The following NPR1 variants were observed in gnomAD, a reference collection of about 807,000 sequenced individuals.
The protein encoded by NPR1 is atrial natriuretic peptide receptor 1.
NPR1 carries 57 observed loss-of-function variants against 116.9 expected under a neutral mutation model. The observed-to-expected ratio is 0.49, with a 90% confidence interval of 0.39 to 0.61. NPR1 has a LOEUF of 0.61. NPR1 is among the 20% of genes least tolerant of loss of function. NPR1 has a pLI of 0.00. For synonymous variants in NPR1, 555 were observed against 601.6 expected, an observed-to-expected ratio of 0.92 and a Z score of 1.13; for missense variants, 1,096 against 1,409.8, an observed-to-expected ratio of 0.78 and a Z score of 3.56.
In NPR1 at chr1:153,678,788, A is replaced by T; in HGVS notation, c.-321A>T. On this transcript the variant is annotated 5_prime_UTR_variant, in exon 1 of 22. Coordinates refer to ENST00000368680, the MANE Select transcript of NPR1 (RefSeq NM_000906.4). The surrounding 1 kb of genome is among the most constrained non-coding windows in gnomAD (Gnocchi z 5.8). ...CCTTCTTCACGAAGCGCTCACTCGC[A>T]CCCTTTCTCTCTCTCTCTCTCTCTC... The T allele has an allele frequency of 1.2e-5, 4 of 342,676 alleles. No homozygotes were observed. Among genetic ancestry groups the T allele is most frequent in the African/African-American group, 2.3e-5 (1 of 43,142 alleles). 21.2% of individuals were successfully genotyped at this position (342,676 alleles called of 1,614,324 possible). A position where few individuals can be genotyped will look rare whatever the true frequency, so the allele number is the denominator to read the frequency against.
Position 153,679,962 on chromosome 1 carries a change from G to A in NPR1, c.721+133G>A. On this transcript the variant is annotated intron_variant, in intron 1 of 21. Coordinates refer to ENST00000368680, the MANE Select transcript of NPR1 (RefSeq NM_000906.4). The surrounding 1 kb of genome is among the most constrained non-coding windows in gnomAD (Gnocchi z 4.2). Reference sequence around the variant, plus strand: ...CTCGCCGTTCTTCATTCTACTTTCAGCTCCCTGGCCCTTTCTACAGCTGAG... The same window carrying A: ...CTCGCCGTTCTTCATTCTACTTTCAACTCCCTGGCCCTTTCTACAGCTGAG... 8.0e-7 allele frequency: 1 copy of A among 1,246,400 alleles called. No homozygotes were observed. Among genetic ancestry groups the A allele is most frequent in the Non-Finnish European group, 1.1e-6 (1 of 917,558 alleles). 77.2% of individuals were successfully genotyped at this position (1,246,400 alleles called of 1,614,324 possible). A position where few individuals can be genotyped will look rare whatever the true frequency, so the allele number is the denominator to read the frequency against.
In NPR1 at chr1:153,689,157, C is replaced by A; in HGVS notation, c.2565-31C>A. The A allele has an allele frequency of 6.2e-7, 1 of 1,614,186 alleles. No homozygotes were observed. The highest frequency in any genetic ancestry group is 1.1e-5 in the South Asian group (1 of 91,088). On this transcript the variant is annotated intron_variant, in intron 16 of 21. Transcript: ENST00000368680. This position sits in a 1 kb window ranked among gnomAD's most constrained non-coding sequence, Gnocchi z 5.1. Reference sequence around the variant, plus strand: ...ACAAAGCCCCTGTCCCGACCCCCAACTCTGATCCTGCACCTGCCCTGACCC... The same window carrying A: ...ACAAAGCCCCTGTCCCGACCCCCAAATCTGATCCTGCACCTGCCCTGACCC...
Position 153,689,662 on chromosome 1 carries a change from G to T in NPR1, c.2757+141G>T. On this transcript the variant is annotated intron_variant, in intron 18 of 21. Coordinates refer to ENST00000368680, the MANE Select transcript of NPR1 (RefSeq NM_000906.4). This position sits in a 1 kb window ranked among gnomAD's most constrained non-coding sequence, Gnocchi z 5.1. ...GAGACAGTGACACAGGGAGACCCGG[G>T]AACAGGCAGAGAACCCATGTGGGAT... is the stretch of plus-strand genomic sequence containing the variant. 1 of 1,207,664 alleles carries T rather than the reference G, an allele frequency of 8.3e-7. No homozygotes were observed. Among genetic ancestry groups the T allele is most frequent in the Non-Finnish European group, 1.2e-6 (1 of 850,086 alleles). 74.8% of individuals were successfully genotyped at this position (1,207,664 alleles called of 1,614,324 possible). A position where few individuals can be genotyped will look rare whatever the true frequency, so the allele number is the denominator to read the frequency against.
rs771917526 is a variant in NPR1, at chr1:153,679,739, C to G, written c.631C>G (p.Leu211Val). Reference sequence around the variant, plus strand: ...GCTGTTCATGCGGGTCCGCGACCGCCTCAATATTACGGTGGACCACCTGGA... The same window carrying G: ...GCTGTTCATGCGGGTCCGCGACCGCGTCAATATTACGGTGGACCACCTGGA... The part of the protein sequence containing the change: ...EGLFMRVRDR[L>V]NITVDHLEFA... Residue 211 changes from leucine to valine, a missense_variant, in exon 1 of 22, where the codon CTC (leucine) becomes GTC (valine). Physicochemically the swap from Leu to Val is conservative, Grantham distance 32. Coordinates refer to ENST00000368680, the MANE Select transcript of NPR1 (RefSeq NM_000906.4). This position sits in a 1 kb window ranked among gnomAD's most constrained non-coding sequence, Gnocchi z 4.2. 1 of 1,599,072 alleles carries G rather than the reference C, an allele frequency of 6.3e-7. No individual in the cohort carries two copies.
At chr1:153,686,774 G>C (rs1267171120) in intron 11 of NPR1, 24 bp downstream of exon 11, 1 of 1,600,740 alleles carries the variant, frequency 6.2e-7, no homozygotes, top group African/African-American at 1.3e-5. Flanking sequence ...GGGGTGTCAA[G>C]AAACCTGGGT....
Position 153,683,794 on chromosome 1 carries a change from G to A in NPR1, c.1454G>A (p.Gly485Asp). 2 of 1,613,940 alleles carry A rather than the reference G, an allele frequency of 1.2e-6. No homozygotes were observed. Among genetic ancestry groups the A allele is most frequent in the Non-Finnish European group, 1.7e-6 (2 of 1,179,996 alleles). Residue 485 changes from glycine to aspartate, a missense_variant, in exon 7 of 22, where the codon GGC (glycine) becomes GAC (aspartate). By Grantham distance (94) the Gly-to-Asp change is moderately conservative. Transcript: ENST00000368680. Reference protein sequence around the residue: ...LALVGSLSLLGILIVSFFIYR... With the variant: ...LALVGSLSLLDILIVSFFIYR... The stretch of plus-strand genomic sequence containing the variant: ...TTGGTGGGCAGCCTCTCCTTGCTCG[G>A]CATTCTGATTGTCTCCTTCTTCATA...
chr1:153,688,169 C>T lies in NPR1; in HGVS notation c.2365C>T (p.Gln789Ter), dbSNP rs776384599. 2 of 1,613,956 alleles carry T rather than the reference C, an allele frequency of 1.2e-6. No individual in the cohort carries two copies. Among genetic ancestry groups the T allele is most frequent in the Admixed American group, 1.7e-5 (1 of 60,014 alleles). The change falls in exon 15 of 22, where the codon CAG becomes TAG. Residue 789 changes from glutamine to a stop codon, truncating the protein, a stop_gained. Transcript: ENST00000368680. LOFTEE classifies it high-confidence loss of function. Reference protein sequence around the residue: ...LMQRCWAEDPQERPPFQQIRL... With the variant: ...LMQRCWAEDP ...GCAGCGGTGCTGGGCTGAGGACCCACAGGAGAGGCCACCATTCCAGCAGAT... is the reference window on the plus strand; with the variant it reads ...GCAGCGGTGCTGGGCTGAGGACCCATAGGAGAGGCCACCATTCCAGCAGAT...
intron 10 of NPR1, 53 bp from the exon 11 acceptor site, chr1:153,686,593 C>A: frequency 6.9e-7 from 1 of 1,453,442 alleles, no homozygotes; most frequent in Non-Finnish European, 9.6e-7. Context: ...TAGTGAGCAG[C>A]TTGGTGAGGA....
rs770160107 is a variant in NPR1 at position 153,681,695 on chromosome 1, C to G, written c.1036-9C>G. ...GCCCACCCCAGCCGACCTCTGTTTG[C>G]CCCTACAGGTGAACACCATCCCAGC... On this transcript the variant is annotated splice_polypyrimidine_tract_variant and intron_variant, in intron 3 of 21. Transcript: ENST00000368680. The G allele has an allele frequency of 1.1e-5, 17 of 1,613,174 alleles. No homozygotes were observed. The highest frequency in any genetic ancestry group is 1.4e-5 in the Non-Finnish European group (17 of 1,179,480).
intron 7 of NPR1, 73 bp from the exon 8 acceptor site, chr1:153,684,891 G>C: frequency 1.3e-6 from 2 of 1,592,450 alleles, no homozygotes; most frequent in Non-Finnish European, 1.7e-6. Context: ...ACGGCTCTGA[G>C]GAGGGGCTGC....
chr1:153,680,057 C>G (rs1669719696), intron 1 of NPR1, among the ~76,000 whole-genome samples: 1 of 151,954 alleles, frequency 6.6e-6, no homozygotes. Context: ...GACCCCCACT[C>G]ATTCCCTCCC....
chr1:153,684,473 C>G (rs1441685570), intron 7 of NPR1, among the ~76,000 whole-genome samples: 1 of 138,730 alleles, frequency 7.2e-6, no homozygotes, highest in East Asian at 2.4e-4. Flanking sequence ...CTCACTGCAA[C>G]CTCCGCCTCC....
intron 20 of NPR1, among the ~76,000 whole-genome samples, chr1:153,692,879 C>T (rs1425999008): frequency 1.3e-5 from 2 of 152,098 alleles, no homozygotes; most frequent in African/African-American, 4.8e-5. Flanking sequence ...TTAGTGGCTA[C>T]TGTATTGGAT....
At chr1:153,687,898 C>T in intron 14 of NPR1, 109 bp downstream of exon 14, 1 of 1,244,964 alleles carries the variant, frequency 8.0e-7, no homozygotes. Flanking sequence ...TAATGGGGTT[C>T]AGTCACCACC....
chr1:153,692,932 G>A (rs1240181408), intron 20 of NPR1, among the ~76,000 whole-genome samples, 174 bp from the exon 21 acceptor site: 4 of 152,166 alleles, frequency 2.6e-5, no homozygotes, highest in Non-Finnish European at 4.4e-5. Context: ...ATGTGGTCAC[G>A]CACTACATTC....
chr1:153,684,386 C>CTTTTTTT (rs58272090), intron 7 of NPR1, among the ~76,000 whole-genome samples: 65 of 89,016 alleles, frequency 7.3e-4, no homozygotes, highest in Admixed American at 9.8e-4. Flanking sequence ...TTCTTTCTTT[C>CTTTTTTT]TTTTTTTTTT....
Position 153,683,493 on chromosome 1 carries a change from G to C in NPR1, c.1381G>C (p.Asp461His). 6.2e-7 allele frequency: 1 copy of C among 1,614,186 alleles called. No homozygotes were observed. Among genetic ancestry groups the C allele is most frequent in the Non-Finnish European group, 8.5e-7 (1 of 1,180,032 alleles). The change falls in exon 6 of 22, where the codon GAC (aspartate) becomes CAC (histidine). Residue 461 changes from aspartate to histidine, a missense_variant. Transcript: ENST00000368680. Reference protein sequence around the residue: ...DIPKCGFDNEDPACNQDHLST... With the variant: ...DIPKCGFDNEHPACNQDHLST... Reference sequence around the variant, plus strand: ...CCCCAAATGTGGCTTTGACAACGAAGACCCAGCATGCAACCAAGGTGACTG... The same window carrying C: ...CCCCAAATGTGGCTTTGACAACGAACACCCAGCATGCAACCAAGGTGACTG...
chr1:153,692,345 C>G (rs1239058767), intron 20 of NPR1, among the ~76,000 whole-genome samples: 1 of 152,164 alleles, frequency 6.6e-6, no homozygotes, highest in Non-Finnish European at 1.5e-5. Flanking sequence ...CAGCTCCTAA[C>G]CACCATGCTG....
At chr1:153,680,907 G>A in intron 2 of NPR1, 1 of 611,398 alleles carries the variant, frequency 1.6e-6, no homozygotes, top group Non-Finnish European at 2.9e-6. Flanking sequence ...CTGCCCAGGG[G>A]CGCTTCGCCA....
Sources: allele counts gnomAD v4.1 joint callset (sites outside exome capture counted in the v4.1 genomes callset), GRCh38; gene constraint gnomAD v4.1.1; non-coding constraint Gnocchi (gnomAD v3.1); transcripts MANE v1.5; gene names NCBI Gene and HGNC (gene_info 2026-07-23, HGNC 2026-07-21).